NCAM1: variants seen among roughly 807,000 people sequenced by gnomAD.
The protein encoded by NCAM1 is neural cell adhesion molecule 1.
Under a neutral mutation model 109.8 loss-of-function variants are expected in NCAM1, and 14 were observed. That is an observed-to-expected ratio of 0.13 (90% CI 0.08 to 0.20). The LOEUF (loss-of-function observed/expected upper bound fraction) is 0.20, where lower values mean the gene tolerates loss of function less well. Ranked by LOEUF, NCAM1 falls within the 10% of genes least tolerant of loss-of-function variation. The pLI, the probability that NCAM1 is intolerant of heterozygous loss-of-function variation, is 1.00. For synonymous variants in NCAM1, 418 were observed against 442.9 expected (o/e 0.94, Z 0.70); for missense variants, 774 against 1,109.9 (o/e 0.70, Z 4.30).
intron 1 of NCAM1, among the ~76,000 whole-genome samples, chr11:113,107,975 T>C (rs1940249930): frequency 6.6e-6 from 1 of 152,198 alleles, no homozygotes; most frequent in African/African-American, 2.4e-5. Flanking sequence ...TAGAATTTCC[T>C]GGAAATTTTA....
At chr11:112,974,866 C>G (rs7944570) in intron 1 of NCAM1, among the ~76,000 whole-genome samples, 27,340 of 151,598 alleles carry the variant, frequency 0.18, 3,181 homozygotes, top group South Asian at 0.41. Flanking sequence ...TTAGTGGTAT[C>G]AGAGGCTCTA....
intron 1 of NCAM1, among the ~76,000 whole-genome samples, chr11:113,049,005 G>A (rs577855458): frequency 6.6e-6 from 1 of 152,228 alleles, no homozygotes; most frequent in African/African-American, 2.4e-5. Flanking sequence ...TACAGTTCCT[G>A]CCCTGGGATT....
chr11:113,210,562 G>T (rs1165876622), intron 7 of NCAM1, among the ~76,000 whole-genome samples: 1 of 152,146 alleles, frequency 6.6e-6, no homozygotes, highest in Non-Finnish European at 1.5e-5. Flanking sequence ...ACTCAGCCCT[G>T]ACTTGGCTGG....
chr11:113,236,978 G>A (rs1193373746), intron 14 of NCAM1, among the ~76,000 whole-genome samples: 1 of 152,192 alleles, frequency 6.6e-6, no homozygotes, highest in Non-Finnish European at 1.5e-5. Flanking sequence ...GGTCAGCTCT[G>A]TTCTTTAGCA....
chr11:113,254,375 G>A (rs996824107), intron 15 of NCAM1, among the ~76,000 whole-genome samples: 1 of 152,160 alleles, frequency 6.6e-6, no homozygotes, highest in Non-Finnish European at 1.5e-5. Context: ...TCCAGACATT[G>A]TGCATCCTCC....
At chr11:113,231,893 T>C (rs1945020068) in intron 10 of NCAM1, 98 bp downstream of exon 10, 2 of 1,486,110 alleles carry the variant, frequency 1.3e-6, no homozygotes, top group African/African-American at 2.8e-5. Flanking sequence ...GCACCCTGTG[T>C]GTTCTGCTTA....
intron 5 of NCAM1, among the ~76,000 whole-genome samples, chr11:113,206,720 T>C (rs868961294): frequency 2.6e-5 from 4 of 152,140 alleles, no homozygotes; most frequent in Admixed American, 1.3e-4. Context: ...TATTGACACA[T>C]ATTTTTTTTG....
chr11:113,188,056 C>A (rs78896557), intron 1 of NCAM1, among the ~76,000 whole-genome samples: 269 of 152,280 alleles, frequency 1.8e-3, no homozygotes, highest in African/African-American at 6.2e-3. Flanking sequence ...TTTGTTGCTA[C>A]TGTTGCTGCT....
At chr11:113,178,182 G>C (rs1943226833) in intron 1 of NCAM1, among the ~76,000 whole-genome samples, 2 of 152,062 alleles carry the variant, frequency 1.3e-5, no homozygotes, top group Non-Finnish European at 2.9e-5. Context: ...TTTTAGAAGA[G>C]AAAAATGAAG....
chr11:112,999,251 A>C (rs2134953635), intron 1 of NCAM1, among the ~76,000 whole-genome samples: 1 of 152,294 alleles, frequency 6.6e-6, no homozygotes, highest in Non-Finnish European at 1.5e-5. Context: ...CACTCCTCTA[A>C]GTGGAAAATG....
At chr11:112,993,456 T>A (rs2134858991) in intron 1 of NCAM1, among the ~76,000 whole-genome samples, 1 of 152,308 alleles carries the variant, frequency 6.6e-6, no homozygotes, top group East Asian at 1.9e-4. Context: ...TTGGGGAATA[T>A]AATTCAACAT....
At chr11:113,067,210 G>A (rs1218277396) in intron 1 of NCAM1, among the ~76,000 whole-genome samples, 2 of 152,132 alleles carry the variant, frequency 1.3e-5, no homozygotes, top group African/African-American at 2.4e-5. Flanking sequence ...ATAGCAAAGA[G>A]TGATTCAGCA....
At chr11:113,061,682 A>C (rs116938060) in intron 1 of NCAM1, among the ~76,000 whole-genome samples, 3,920 of 152,356 alleles carry the variant, frequency 0.026, 73 homozygotes, top group Middle Eastern at 0.096. Flanking sequence ...CCGTATGTGT[A>C]AAACAAATGA....
intron 1 of NCAM1, among the ~76,000 whole-genome samples, chr11:113,094,388 G>A (rs1391396561): frequency 6.6e-6 from 1 of 152,100 alleles, no homozygotes; most frequent in Non-Finnish European, 1.5e-5. Context: ...GCAGCTTTGG[G>A]GTGCTTTGTA....
rs116369915 is a variant in NCAM1, at chr11:112,969,867, G to A, written c.52+8203G>A. 6.4e-4 allele frequency among the ~76,000 whole-genome samples: 97 copies of A among 152,276 alleles called. 1 individual carries two copies. The highest frequency in any genetic ancestry group is 2.3e-3 in the African/African-American group (94 of 41,556). ...AGCACTTTTGCTTAGTTCAAGCTGC[G>A]AAGAAATCATGAAAGATATTATATC... On this transcript the variant is annotated intron_variant, in intron 1 of 19. Coordinates refer to ENST00000316851, the MANE Select transcript of NCAM1 (RefSeq NM_181351.5).
At chr11:113,232,957 G>A in intron 12 of NCAM1, 143 bp downstream of exon 12, 1 of 963,020 alleles carries the variant, frequency 1.0e-6, no homozygotes, top group Non-Finnish European at 1.6e-6. Context: ...TGGGAAGCTG[G>A]GAGCCATTGG....
intron 1 of NCAM1, among the ~76,000 whole-genome samples, chr11:113,007,243 G>A (rs1207900880): frequency 2.6e-5 from 4 of 152,126 alleles, no homozygotes; most frequent in African/African-American, 9.7e-5. Flanking sequence ...CCAGGCTGGA[G>A]TGCAGTGGGT....
intron 1 of NCAM1, among the ~76,000 whole-genome samples, chr11:113,049,925 C>T (rs1198205084): frequency 1.3e-5 from 2 of 152,146 alleles, no homozygotes; most frequent in African/African-American, 4.8e-5. Flanking sequence ...GGACACAAGT[C>T]CACCATTCTA....
At chr11:113,121,996 C>T (rs1002843993) in intron 1 of NCAM1, among the ~76,000 whole-genome samples, 8 of 152,224 alleles carry the variant, frequency 5.3e-5, no homozygotes, top group African/African-American at 1.7e-4. Context: ...AGATAAGGCT[C>T]GGTGTGGATG....
Sources: gnomAD v4.1 joint callset for allele counts (sites outside exome capture counted in the v4.1 genomes callset) on GRCh38, gnomAD v4.1.1 for gene constraint, MANE v1.5 for transcripts, NCBI Gene and HGNC (gene_info 2026-07-23, HGNC 2026-07-21) for gene names.